Variants in SREBF2 observed in about 807,000 individuals in gnomAD.
SREBF2 encodes the protein sterol regulatory element-binding protein 2.
Under a neutral mutation model 113.1 loss-of-function variants are expected in SREBF2, and 55 were observed. That is an observed-to-expected ratio of 0.49 (90% CI 0.39 to 0.61). The LOEUF (loss-of-function observed/expected upper bound fraction) is 0.61, where lower values mean the gene tolerates loss of function less well. Among genes scored for constraint, SREBF2 ranks in the 20% least tolerant of loss-of-function variants. The pLI is 0.00. For synonymous variants in SREBF2, 593 were observed against 605.7 expected, an observed-to-expected ratio of 0.98 and a Z score of 0.31; for missense variants, 1,349 against 1,487.4, an observed-to-expected ratio of 0.91 and a Z score of 1.53.
intron 7 of SREBF2, 26 bp downstream of exon 7, chr22:41,875,750 C>A (rs1399934412): frequency 6.2e-7 from 1 of 1,612,848 alleles, no homozygotes; most frequent in South Asian, 1.1e-5. Context: ...ATCTCCTGAT[C>A]CCTGGAATCT....
chr22:41,868,525 G>A (rs1469149640), intron 2 of SREBF2, 86 bp from the exon 3 acceptor site: 2 of 1,458,498 alleles, frequency 1.4e-6, no homozygotes, highest in African/African-American at 2.8e-5. Flanking sequence ...ATCATTATGA[G>A]ATACTCCATC....
At chr22:41,895,184 G>C (rs1331792035) in intron 13 of SREBF2, among the ~76,000 whole-genome samples, 1 of 150,324 alleles carries the variant, frequency 6.7e-6, no homozygotes, top group Non-Finnish European at 1.5e-5. Flanking sequence ...CTGTCACTCA[G>C]GTTGGAGTGC....
chr22:41,870,995 C>A lies in SREBF2; in HGVS notation c.827C>A (p.Ala276Asp). 1 of 1,614,102 alleles carries A rather than the reference C, an allele frequency of 6.2e-7. No individual in the cohort carries two copies. The highest frequency in any genetic ancestry group is 8.5e-7 in the Non-Finnish European group (1 of 1,180,000). ...GCGGTCCAGAACCCGGCCCTCACCGCCCTCACCACCCCTATCCAGACGGCT... is the reference window on the plus strand; with the variant it reads ...GCGGTCCAGAACCCGGCCCTCACCGACCTCACCACCCCTATCCAGACGGCT... ...MAAVQNPALT[A>D]LTTPIQTAAL... The change falls in exon 4 of 19, where the codon GCC (alanine) becomes GAC (aspartate). Residue 276 changes from alanine to aspartate, a missense_variant. Transcript: ENST00000361204.
chr22:41,898,867 G>C, intron 15 of SREBF2, 86 bp downstream of exon 15: 1 of 1,561,808 alleles, frequency 6.4e-7, no homozygotes, highest in South Asian at 1.2e-5. Context: ...CTGGGTGGGC[G>C]TGTTGGGGTG....
intron 9 of SREBF2, among the ~76,000 whole-genome samples, chr22:41,880,213 A>C (rs970870509): frequency 1.4e-4 from 21 of 152,164 alleles, no homozygotes; most frequent in Non-Finnish European, 2.1e-4. Context: ...GAAAGCCTAA[A>C]GGATCATGCA....
At chr22:41,898,918 CG>C in intron 15 of SREBF2, 137 bp downstream of exon 15, 2 of 1,305,806 alleles carry the variant, frequency 1.5e-6, no homozygotes, top group Non-Finnish European at 2.1e-6. Flanking sequence ...CTAGAAAAGT[CG>C]GGGGTGAGGG....
rs2077477583 is a variant in SREBF2, at chr22:41,902,993, CCTG to C, written c.2934_2936del (p.Leu980del). On this transcript the variant is annotated inframe_deletion, in exon 17 of 19. Coordinates refer to ENST00000361204, the MANE Select transcript of SREBF2 (RefSeq NM_004599.4). ...AGGTGGTCCAGCTGCTCACCTGTGA[CCTG>C]CTACTGTCGCTACGGACAGCGCTCT... The C allele has an allele frequency of 6.2e-7, 1 of 1,611,516 alleles. No homozygotes were observed. The highest frequency in any genetic ancestry group is 8.5e-7 in the Non-Finnish European group (1 of 1,179,206).
At chr22:41,885,658 A>ACG in intron 11 of SREBF2, 4 of 161,304 alleles carry the variant, frequency 2.5e-5, no homozygotes, top group South Asian at 1.7e-4. Flanking sequence ...GTTATCAGCT[A>ACG]GCTCACAACA....
intron 1 of SREBF2, among the ~76,000 whole-genome samples, chr22:41,849,365 T>A (rs2148350595): frequency 6.6e-6 from 1 of 152,188 alleles, no homozygotes; most frequent in African/African-American, 2.4e-5. Context: ...CTAACTTTTG[T>A]ATTTTTAGAG....
intron 4 of SREBF2, chr22:41,873,588 G>T (rs1255096965): frequency 6.7e-6 from 4 of 599,798 alleles, no homozygotes; most frequent in Non-Finnish European, 1.2e-5. Context: ...TAGTTTATCA[G>T]CAGTGATTCT....
chr22:41,837,212 T>C (rs2076784160), intron 1 of SREBF2, among the ~76,000 whole-genome samples: 1 of 152,020 alleles, frequency 6.6e-6, no homozygotes, highest in African/African-American at 2.4e-5. Context: ...GGAAGAGAGG[T>C]ATCAGTGTCT....
At chr22:41,884,051 C>T (rs2077275334) in intron 10 of SREBF2, among the ~76,000 whole-genome samples, 1 of 131,222 alleles carries the variant, frequency 7.6e-6, no homozygotes, top group Non-Finnish European at 1.7e-5. Flanking sequence ...CACCCACTAA[C>T]CCAACATGTG....
intron 1 of SREBF2, among the ~76,000 whole-genome samples, chr22:41,857,994 T>C (rs2076993056): frequency 6.6e-6 from 1 of 152,208 alleles, no homozygotes; most frequent in Non-Finnish European, 1.5e-5. Flanking sequence ...AATAGTAGAA[T>C]GGAGAAATGG....
Position 41,875,561 on chromosome 22 carries a change from A to G in SREBF2, c.1223A>G (p.Asp408Gly). The G allele has an allele frequency of 6.2e-7, 1 of 1,614,172 alleles. No individual in the cohort carries two copies. Among genetic ancestry groups the G allele is most frequent in the Non-Finnish European group, 8.5e-7 (1 of 1,180,038 alleles). The change falls in exon 7 of 19, where the codon GAC becomes GGC. Residue 408 changes from aspartate to glycine, a missense_variant. Asp to Gly is a moderately conservative substitution (Grantham distance 94). Transcript: ENST00000361204. ...TTTGCAGAGCTTCTAAAGGGCATCG[A>G]CCTAGGCAGTCTGGTGGACAATGAG... The part of the protein sequence containing the change: ...NQKNKLLKGI[D>G]LGSLVDNEVD...
intron 1 of SREBF2, among the ~76,000 whole-genome samples, chr22:41,852,709 T>G (rs1193031634): frequency 2.0e-5 from 3 of 146,342 alleles, no homozygotes; most frequent in Non-Finnish European, 3.0e-5. Context: ...ATTCCAGCCA[T>G]TCTCATACTC....
intron 1 of SREBF2, among the ~76,000 whole-genome samples, chr22:41,851,010 G>C (rs982771599): frequency 3.3e-5 from 5 of 152,040 alleles, no homozygotes; most frequent in African/African-American, 1.2e-4. Flanking sequence ...CAAAGTGCTG[G>C]GATTACAGGC....
intron 14 of SREBF2, 93 bp from the exon 15 acceptor site, chr22:41,898,556 C>G: frequency 6.5e-7 from 1 of 1,549,620 alleles, no homozygotes; most frequent in East Asian, 2.3e-5. Context: ...AAAGATGTTA[C>G]CCATCTCCTA....
chr22:41,899,084 C>T lies in SREBF2; in HGVS notation c.2738+303C>T, dbSNP rs181895516. The T allele has an allele frequency of 3.1e-4, 192 of 622,376 alleles. No homozygotes were observed. The African/African-American group carries it at 3.3e-3, about 11-fold the overall frequency. 38.6% of individuals were successfully genotyped at this position (622,376 alleles called of 1,614,324 possible). On this transcript the variant is annotated intron_variant, in intron 15 of 18. Transcript: ENST00000361204. ...ACAGGCTGAAAAGAAGAGACGAGAGCAGTGTGGCCCCCAGCATCTTCAGAA... is the reference window on the plus strand; with the variant it reads ...ACAGGCTGAAAAGAAGAGACGAGAGTAGTGTGGCCCCCAGCATCTTCAGAA...
chr22:41,898,307 G>A (rs1197001773), intron 14 of SREBF2, among the ~76,000 whole-genome samples: 1 of 151,992 alleles, frequency 6.6e-6, no homozygotes, highest in Non-Finnish European at 1.5e-5. Context: ...TAGTAGAGAG[G>A]GGGTTTCACC....
Sources: gnomAD v4.1 joint callset for allele counts (sites outside exome capture counted in the v4.1 genomes callset) on GRCh38, gnomAD v4.1.1 for gene constraint, MANE v1.5 for transcripts, NCBI Gene and HGNC (gene_info 2026-07-23, HGNC 2026-07-21) for gene names.